ADAMTS12: variants seen among roughly 807,000 people sequenced by gnomAD.
ADAMTS12 encodes the protein A disintegrin and metalloproteinase with thrombospondin motifs 12.
Under a neutral mutation model 167.8 loss-of-function variants are expected in ADAMTS12, and 118 were observed. The observed-to-expected ratio is 0.70, with a 90% CI of 0.61 to 0.82. The LOEUF (loss-of-function observed/expected upper bound fraction) is 0.82. Among genes scored for constraint, ADAMTS12 ranks in the 40% least tolerant of loss-of-function variants. The pLI is 0.00. For missense variants in ADAMTS12, 1,916 were observed against 1,998.8 expected, an observed-to-expected ratio of 0.96 and a Z score of 0.79; for synonymous variants, 704 against 716.9, an observed-to-expected ratio of 0.98 and a Z score of 0.29.
At chr5:33,753,691 G>T (rs1464429354) in intron 2 of ADAMTS12, among the ~76,000 whole-genome samples, 2 of 152,168 alleles carry the variant, frequency 1.3e-5, no homozygotes, top group Non-Finnish European at 2.9e-5. Context: ...AAACAGATGG[G>T]GCTCCACTTG....
At chr5:33,704,079 G>A (rs567464790) in intron 3 of ADAMTS12, among the ~76,000 whole-genome samples, 7 of 152,074 alleles carry the variant, frequency 4.6e-5, no homozygotes, top group East Asian at 1.9e-4. Flanking sequence ...ACTTCTTTAC[G>A]CAGCTTATGG....
intron 7 of ADAMTS12, among the ~76,000 whole-genome samples, chr5:33,654,877 TG>T (rs1238931752): frequency 2.8e-5 from 4 of 143,426 alleles, no homozygotes; most frequent in Admixed American, 2.7e-4. Context: ...GGTGATTTTG[TG>T]TGTGTGTGTG....
intron 1 of ADAMTS12, among the ~76,000 whole-genome samples, chr5:33,881,956 C>A (rs1389793675): frequency 6.6e-6 from 1 of 152,100 alleles, no homozygotes; most frequent in African/African-American, 2.4e-5. Flanking sequence ...TAACATTAAA[C>A]TCCCAGAACA....
At chr5:33,599,290 G>T (rs1579726971) in intron 16 of ADAMTS12, among the ~76,000 whole-genome samples, 2 of 152,326 alleles carry the variant, frequency 1.3e-5, no homozygotes, top group East Asian at 3.9e-4. Context: ...CAATAAATGT[G>T]AGCTTTCTTC....
intron 2 of ADAMTS12, among the ~76,000 whole-genome samples, chr5:33,852,984 C>T (rs908599473): frequency 5.3e-5 from 8 of 152,276 alleles, no homozygotes; most frequent in South Asian, 2.1e-4. Context: ...AAGGTGGCCA[C>T]AGCCCCTCAG....
At chr5:33,708,232 C>G (rs1229371543) in intron 3 of ADAMTS12, among the ~76,000 whole-genome samples, 1 of 152,118 alleles carries the variant, frequency 6.6e-6, no homozygotes. Context: ...AAATGCAAAT[C>G]AAAACCAAAA....
chr5:33,806,280 A>G (rs1160411463), intron 2 of ADAMTS12, among the ~76,000 whole-genome samples: 1 of 152,162 alleles, frequency 6.6e-6, no homozygotes, highest in Non-Finnish European at 1.5e-5. Context: ...CCTTACTCCC[A>G]ATATACAGAA....
Position 33,683,917 on chromosome 5 carries a change from A to G in ADAMTS12, c.773T>C (p.Met258Thr), listed in dbSNP as rs759054011. The change falls in exon 4 of 24, where the codon ATG (methionine) becomes ACG (threonine). Residue 258 changes from methionine (M) to threonine (T), a missense_variant. Met to Thr is a moderately conservative substitution (Grantham distance 81). Coordinates refer to ENST00000504830, the MANE Select transcript of ADAMTS12 (RefSeq NM_030955.4). ...VETLVVADTK[M>T]IEYHGSENVE... The stretch of plus-strand genomic sequence containing the variant: ...ATTCTCACTCCCATGGTATTCAATC[A>G]TCTTTGTGTCGGCCACCACCAGTGT... The G allele has an allele frequency of 1.2e-6, 2 of 1,606,632 alleles. No homozygotes were observed. The highest frequency in any genetic ancestry group is 1.7e-5 in the Admixed American group (1 of 59,144).
chr5:33,887,511 C>T (rs1371502899), intron 1 of ADAMTS12, among the ~76,000 whole-genome samples: 3 of 152,118 alleles, frequency 2.0e-5, no homozygotes, highest in African/African-American at 7.2e-5. Context: ...ACAGTTTATA[C>T]AAGGGTTTGT....
chr5:33,720,280 T>TCACACACACACACACA (rs201402268), intron 3 of ADAMTS12, among the ~76,000 whole-genome samples: 4 of 62,328 alleles, frequency 6.4e-5, no homozygotes, highest in African/African-American at 1.3e-4. Flanking sequence ...TCTCTCTCTC[T>TCACACACACACACACA]CACTCACACA....
intron 3 of ADAMTS12, among the ~76,000 whole-genome samples, chr5:33,686,627 G>C (rs1409953692): frequency 6.6e-6 from 1 of 151,778 alleles, no homozygotes; most frequent in East Asian, 2.0e-4. Flanking sequence ...CAGTTAGATC[G>C]AGATGAGCTT....
chr5:33,577,003 C>A lies in ADAMTS12; in HGVS notation c.3023G>T (p.Gly1008Val). The A allele has an allele frequency of 1.2e-6, 2 of 1,614,084 alleles. No homozygotes were observed. The highest frequency in any genetic ancestry group is 1.1e-5 in the South Asian group (1 of 91,074). The change falls in exon 19 of 24, where the codon GGC (glycine) becomes GTC (valine). Residue 1008 changes from glycine to valine, a missense_variant. Physicochemically the swap from Gly to Val is moderately radical, Grantham distance 109 (BLOSUM62 -3). Transcript: ENST00000504830. ...TGGGTTTTTTCCATTGGAAATAGTG[C>A]CTTTGTTTGGTTTCAGAACTCTCCG... ...SSRRVLKPNK[G>V]TISNGKNPPT...
chr5:33,849,174 A>AT (rs1749085050), intron 2 of ADAMTS12, among the ~76,000 whole-genome samples: 2 of 43,892 alleles, frequency 4.6e-5, no homozygotes, highest in African/African-American at 1.2e-4. Flanking sequence ...ATTGCATAGC[A>AT]ATATATATAT....
At chr5:33,547,342 G>T (rs138338036) in intron 21 of ADAMTS12, among the ~76,000 whole-genome samples, 3 of 152,042 alleles carry the variant, frequency 2.0e-5, no homozygotes, top group Admixed American at 1.3e-4. Flanking sequence ...GGCCATTCTC[G>T]GGGTGGGACC....
intron 9 of ADAMTS12, 77 bp from the exon 10 acceptor site, chr5:33,643,547 A>T: frequency 8.4e-7 from 1 of 1,189,816 alleles, no homozygotes; most frequent in Non-Finnish European, 1.2e-6. Context: ...TAAAATATGC[A>T]CACTCATCCA....
chr5:33,748,799 G>A (rs577817995), intron 3 of ADAMTS12, among the ~76,000 whole-genome samples: 3 of 152,296 alleles, frequency 2.0e-5, no homozygotes, highest in South Asian at 4.1e-4. Context: ...ACCACTGTCA[G>A]TTAATTCTGT....
chr5:33,699,138 C>T (rs774293203), intron 3 of ADAMTS12, among the ~76,000 whole-genome samples: 1 of 151,816 alleles, frequency 6.6e-6, no homozygotes, highest in Non-Finnish European at 1.5e-5. Context: ...GCCTGGGCAA[C>T]AAAAGCGAAA....
chr5:33,548,170 G>T (rs1745074504), intron 21 of ADAMTS12, among the ~76,000 whole-genome samples: 1 of 152,198 alleles, frequency 6.6e-6, no homozygotes, highest in African/African-American at 2.4e-5. Flanking sequence ...CATGGTAGGT[G>T]CCCCCAAAAT....
chr5:33,779,336 C>T (rs1746033255), intron 2 of ADAMTS12, among the ~76,000 whole-genome samples: 1 of 152,036 alleles, frequency 6.6e-6, no homozygotes, highest in African/African-American at 2.4e-5. Flanking sequence ...CAGGTGCCTG[C>T]CACCATGCCC....
Sources: allele counts gnomAD v4.1 joint callset (sites outside exome capture counted in the v4.1 genomes callset), GRCh38; gene constraint gnomAD v4.1.1; transcripts MANE v1.5; gene names NCBI Gene and HGNC (gene_info 2026-07-23, HGNC 2026-07-21).